Variants in BACE2 observed in about 807,000 individuals in gnomAD.
The protein encoded by BACE2 is 56 kDa aspartic-like protease.
Under a neutral mutation model 46.2 loss-of-function variants are expected in BACE2, and 17 were observed. The observed-to-expected ratio is 0.37, with a 90% confidence interval of 0.25 to 0.55. The LOEUF (loss-of-function observed/expected upper bound fraction) is 0.55. Among genes scored for constraint, BACE2 ranks in the 20% least tolerant of loss-of-function variants. BACE2 has a pLI of 0.82. For synonymous variants in BACE2, 277 were observed against 295.9 expected, an observed-to-expected ratio of 0.94 and a Z score of 0.66; for missense variants, 595 against 698.1, an observed-to-expected ratio of 0.85 and a Z score of 1.66.
At chr21:41,261,946 G>A (rs1987947633) in intron 8 of BACE2, among the ~76,000 whole-genome samples, 1 of 152,056 alleles carries the variant, frequency 6.6e-6, no homozygotes, top group African/African-American at 2.4e-5. Flanking sequence ...TTTTTGCTGA[G>A]CCATTTGCAA....
At chr21:41,236,077 A>G (rs75205704) in intron 2 of BACE2, among the ~76,000 whole-genome samples, 3,435 of 152,298 alleles carry the variant, frequency 0.023, 124 homozygotes, top group African/African-American at 0.075. Flanking sequence ...TTAGCTTAGA[A>G]TTGTGATTAT....
At chr21:41,202,833 A>G (rs1258615607) in intron 1 of BACE2, among the ~76,000 whole-genome samples, 1 of 152,152 alleles carries the variant, frequency 6.6e-6, no homozygotes, top group African/African-American at 2.4e-5. Flanking sequence ...GATTCCAGGC[A>G]CCATTCTCTG....
intron 1 of BACE2, among the ~76,000 whole-genome samples, chr21:41,174,139 C>CTTTTTTTTTTTTTTTTTTTTTTTTT (rs1328562900): frequency 4.1e-5 from 2 of 48,496 alleles, no homozygotes; most frequent in Admixed American, 5.5e-4. Flanking sequence ...GATCAGTGGC[C>CTTTTTTTTTTTTTTTTTTTTTTTTT]TTTTTTTTTT....
chr21:41,219,534 G>T (rs188836398), intron 1 of BACE2, among the ~76,000 whole-genome samples: 9 of 152,320 alleles, frequency 5.9e-5, no homozygotes, highest in African/African-American at 2.2e-4. Flanking sequence ...TGAGAATCAG[G>T]TTGTGGTGAG....
At chr21:41,262,255 G>C (rs950639049) in intron 8 of BACE2, among the ~76,000 whole-genome samples, 1 of 151,994 alleles carries the variant, frequency 6.6e-6, no homozygotes, top group Non-Finnish European at 1.5e-5. Context: ...ATATTTCCTT[G>C]AACTTAAGTC....
At chr21:41,265,512 AATG>A (rs1303265808) in intron 8 of BACE2, among the ~76,000 whole-genome samples, 1 of 152,138 alleles carries the variant, frequency 6.6e-6, no homozygotes, top group Non-Finnish European at 1.5e-5. Flanking sequence ...ACAGGTGAAA[AATG>A]ATGATCTCGG....
At chr21:41,197,958 T>TAC (rs1985798588) in intron 1 of BACE2, among the ~76,000 whole-genome samples, 1 of 152,230 alleles carries the variant, frequency 6.6e-6, no homozygotes, top group African/African-American at 2.4e-5. Context: ...GGTAGATATA[T>TAC]ACACACATAG....
At chr21:41,232,240 G>A (rs1464733896) in intron 2 of BACE2, among the ~76,000 whole-genome samples, 1 of 152,108 alleles carries the variant, frequency 6.6e-6, no homozygotes, top group Non-Finnish European at 1.5e-5. Context: ...CGCTGGTGCA[G>A]GGCAGAGAGG....
chr21:41,171,065 T>C (rs1170082781), intron 1 of BACE2, among the ~76,000 whole-genome samples: 2 of 152,226 alleles, frequency 1.3e-5, no homozygotes, highest in Admixed American at 6.5e-5. Flanking sequence ...ACCAGACAGA[T>C]AACGACTTCC....
chr21:41,255,326 T>G (rs1987751943), intron 7 of BACE2, among the ~76,000 whole-genome samples: 1 of 151,618 alleles, frequency 6.6e-6, no homozygotes, highest in African/African-American at 2.4e-5. Context: ...GGCCATGGGG[T>G]GGGGCCAGAT....
chr21:41,245,613 A>C (rs1230072652), intron 5 of BACE2, among the ~76,000 whole-genome samples: 1 of 152,274 alleles, frequency 6.6e-6, no homozygotes. Flanking sequence ...CAAAAGACAA[A>C]TAGGTCTTCC....
chr21:41,192,534 C>G (rs1985609277), intron 1 of BACE2, among the ~76,000 whole-genome samples: 1 of 152,202 alleles, frequency 6.6e-6, no homozygotes, highest in Non-Finnish European at 1.5e-5. Flanking sequence ...CAAGAGCTCT[C>G]TCTCAGAAGG....
chr21:41,221,058 A>AC (rs915564474), intron 1 of BACE2, among the ~76,000 whole-genome samples: 1 of 151,712 alleles, frequency 6.6e-6, no homozygotes, highest in Non-Finnish European at 1.5e-5. Context: ...AAAAAAAAAA[A>AC]AAAACAGTAG....
At chr21:41,244,969 C>T (rs1464186737) in intron 5 of BACE2, among the ~76,000 whole-genome samples, 1 of 151,630 alleles carries the variant, frequency 6.6e-6, no homozygotes, top group Non-Finnish European at 1.5e-5. Context: ...TCTTTCCTGC[C>T]CACCCCATAT....
Position 41,168,380 on chromosome 21 carries a change from G to A in BACE2, c.117G>A (p.Thr39=). ...FTLPLRVAAA[T]NRVVAPTPGP... is the part of the protein sequence containing the mutation. Reference sequence around the variant, plus strand: ...TGCCCCTCCGGGTGGCCGCGGCCACGAACCGCGTAGTTGCGCCCACCCCGG... The same window carrying A: ...TGCCCCTCCGGGTGGCCGCGGCCACAAACCGCGTAGTTGCGCCCACCCCGG... The change falls in exon 1 of 9, where the codon ACG becomes ACA. Residue 39 remains threonine, a synonymous_variant. Transcript: ENST00000330333. The A allele has an allele frequency of 1.4e-6, 2 of 1,408,744 alleles. No individual in the cohort carries two copies. Among genetic ancestry groups the A allele is most frequent in the Non-Finnish European group, 1.9e-6 (2 of 1,078,050 alleles). The allele number at this position is 1,408,744 out of a possible 1,614,324, so 87.3% of individuals were successfully genotyped here. A position where few individuals can be genotyped will look rare whatever the true frequency, so the allele number is the denominator to read the frequency against.
At chr21:41,249,335 A>G (rs910639395) in intron 6 of BACE2, among the ~76,000 whole-genome samples, 1 of 149,974 alleles carries the variant, frequency 6.7e-6, no homozygotes, top group Non-Finnish European at 1.5e-5. Flanking sequence ...TGAGCCCCAC[A>G]TGTACACTTG....
At chr21:41,173,021 T>A (rs184929857) in intron 1 of BACE2, among the ~76,000 whole-genome samples, 1 of 152,198 alleles carries the variant, frequency 6.6e-6, no homozygotes, top group Non-Finnish European at 1.5e-5. Flanking sequence ...TCTCTTCTTA[T>A]AAGGAGACCA....
chr21:41,227,409 T>C (rs190029321), intron 2 of BACE2, among the ~76,000 whole-genome samples: 8 of 152,308 alleles, frequency 5.3e-5, no homozygotes, highest in African/African-American at 1.9e-4. Flanking sequence ...CCAGCTCTAG[T>C]TGGGGACAAA....
At position 41,281,311 on chromosome 21, in the gene BACE2, G is replaced by C. The variant is rs962099467; in HGVS notation, c.*5687G>C. On this transcript the variant is annotated 3_prime_UTR_variant, in exon 9 of 9. Coordinates refer to ENST00000330333, the MANE Select transcript of BACE2 (RefSeq NM_012105.5). ...AGATTTATAATATAGACTTCAGTAA[G>C]TTGGGCACAGCTGTCACTTTCGTGG... is the stretch of plus-strand genomic sequence containing the variant. 1.3e-5 allele frequency: 2 copies of C among 152,200 alleles called. No homozygotes were observed. Among genetic ancestry groups the C allele is most frequent in the African/African-American group, 2.4e-5 (1 of 41,412 alleles). The allele number at this position is 152,200 out of a possible 1,614,324, so 9.4% of individuals were successfully genotyped here. A position where few individuals can be genotyped will look rare whatever the true frequency, so the allele number is the denominator to read the frequency against.
Sources: gnomAD v4.1 joint callset for allele counts (sites outside exome capture counted in the v4.1 genomes callset) on GRCh38, gnomAD v4.1.1 for gene constraint, MANE v1.5 for transcripts, NCBI Gene and HGNC (gene_info 2026-07-23, HGNC 2026-07-21) for gene names.